The following DOCK4 variants were observed in gnomAD, a reference collection of about 807,000 sequenced individuals.
DOCK4 encodes dedicator of cytokinesis protein 4.
DOCK4 carries 97 observed loss-of-function variants against 268.1 expected under a neutral mutation model. The observed-to-expected ratio is 0.36, with a 90% CI of 0.31 to 0.43. The LOEUF is 0.43. Ranked by LOEUF, DOCK4 falls within the 20% of genes least tolerant of loss-of-function variation. The pLI is 1.00. For missense variants in DOCK4, 2,145 were observed against 2,455.7 expected (o/e 0.87, Z 2.67); for synonymous variants, 954 against 887.2 (o/e 1.08, Z -1.34).
chr7:111,811,930 G>T lies in DOCK4; in HGVS notation c.2950C>A (p.Leu984Ile). Residue 984 changes from leucine (L) to isoleucine (I), a missense_variant, in exon 28 of 53, where the codon CTA (leucine) becomes ATA (isoleucine). Physicochemically the swap from Leu to Ile is conservative, Grantham distance 5. Coordinates refer to ENST00000428084, the MANE Select transcript of DOCK4 (RefSeq NM_001363540.2). Reference protein sequence around the residue: ...VANNVIITTVLYLSDALRKNF... With the variant: ...VANNVIITTVIYLSDALRKNF... ...TTACGAAGTGCATCTGAGAGGTATA[G>T]AACTGTTGTAATAATAACACTAGTG... The T allele has an allele frequency of 6.6e-7, 1 of 1,521,586 alleles. No individual in the cohort carries two copies. Among genetic ancestry groups the T allele is most frequent in the South Asian group, 1.2e-5 (1 of 82,298 alleles). 94.3% of individuals were successfully genotyped at this position (1,521,586 alleles called of 1,614,324 possible).
Position 111,869,549 on chromosome 7 carries a change from G to C in DOCK4, c.2109+25C>G, listed in dbSNP as rs771483416. On this transcript the variant is annotated intron_variant, in intron 21 of 52. Transcript: ENST00000428084. Reference sequence around the variant, plus strand: ...GCATGCAACAGCTTTGTTAGACTCTGCTGTTATCAACAGCATGTTATCACC... The same window carrying C: ...GCATGCAACAGCTTTGTTAGACTCTCCTGTTATCAACAGCATGTTATCACC... 3.1e-6 allele frequency: 5 copies of C among 1,608,722 alleles called. No homozygotes were observed. The South Asian group carries it at 5.5e-5, about 18-fold the overall frequency.
In DOCK4 at chr7:111,857,479, A is replaced by G. The variant is rs1042753185; in HGVS notation, c.2473+5893T>C. On this transcript the variant is annotated intron_variant, in intron 23 of 52. Transcript: ENST00000428084. The stretch of plus-strand genomic sequence containing the variant: ...CCAGCAAGCTTCTCACCAGTGGTAC[A>G]TGATCAGTGCCTTTAGGTCTTTATA... Among the ~76,000 whole-genome samples the G allele has an allele frequency of 3.3e-5, 5 of 152,218 alleles. No individual in the cohort carries two copies. In the South Asian group the frequency reaches 8.3e-4, roughly 25 times the overall value.
In DOCK4 at chr7:111,802,408, A is replaced by G. The variant is rs191581799; in HGVS notation, c.3166+6413T>C. 1.7e-3 allele frequency among the ~76,000 whole-genome samples: 261 copies of G among 152,306 alleles called. 4 individuals carry two copies. The highest frequency in any genetic ancestry group is 5.8e-3 in the African/African-American group (243 of 41,564). Reference sequence around the variant, plus strand: ...GCTGTGCCCCAGCAGAGCCCCAGCTATGCTCTCTCTGCTGCCTTGACACTG... The same window carrying G: ...GCTGTGCCCCAGCAGAGCCCCAGCTGTGCTCTCTCTGCTGCCTTGACACTG... On this transcript the variant is annotated intron_variant, in intron 30 of 52. Coordinates refer to ENST00000428084, the MANE Select transcript of DOCK4 (RefSeq NM_001363540.2).
intron 34 of DOCK4, among the ~76,000 whole-genome samples, chr7:111,783,620 C>T (rs1278926240): frequency 6.7e-6 from 1 of 150,166 alleles, no homozygotes; most frequent in Non-Finnish European, 1.5e-5. Flanking sequence ...TCTCAATTCA[C>T]CAAGACTTTG....
At chr7:111,924,556 T>G (rs1173301946) in intron 12 of DOCK4, among the ~76,000 whole-genome samples, 2 of 152,210 alleles carry the variant, frequency 1.3e-5, no homozygotes, top group Non-Finnish European at 2.9e-5. Flanking sequence ...CTCTTGATTC[T>G]TACCAGGAGT....
intron 10 of DOCK4, among the ~76,000 whole-genome samples, chr7:111,942,708 G>A (rs1206013842): frequency 3.3e-5 from 5 of 151,956 alleles, no homozygotes; most frequent in East Asian, 1.9e-4. Flanking sequence ...TACTCACCCC[G>A]CCACTCTGGC....
At chr7:111,903,589 T>C (rs1187786793) in intron 13 of DOCK4, among the ~76,000 whole-genome samples, 3 of 152,246 alleles carry the variant, frequency 2.0e-5, no homozygotes, top group African/African-American at 7.2e-5. Context: ...GATTACTACA[T>C]ATATTTTTTA....
At chr7:111,744,468 A>G (rs1190447507) in intron 44 of DOCK4, among the ~76,000 whole-genome samples, 1 of 152,190 alleles carries the variant, frequency 6.6e-6, no homozygotes, top group Non-Finnish European at 1.5e-5. Context: ...CAGAGATCTC[A>G]CATTTTCTAG....
Position 111,938,905 on chromosome 7 carries a change from C to T in DOCK4, c.977+1205G>A, listed in dbSNP as rs62472928. Among the ~76,000 whole-genome samples, 125 of 143,614 alleles carry T rather than the reference C, an allele frequency of 8.7e-4. 1 individual carries two copies. The Middle Eastern group carries it at 0.011, about 13-fold the overall frequency. The allele number at this position is 143,614 out of a possible 152,430, so 94.2% of individuals were successfully genotyped here. ...CAGAAAATCTCTTGAACCTGGGAGG[C>T]GGAGGTTGCAGTGAGCCGAGATTGC... On this transcript the variant is annotated intron_variant, in intron 11 of 52. Transcript: ENST00000428084.
intron 13 of DOCK4, among the ~76,000 whole-genome samples, chr7:111,904,624 A>G (rs991997678): frequency 1.8e-4 from 27 of 152,274 alleles, no homozygotes; most frequent in African/African-American, 6.5e-4. Context: ...CTTCTTTACA[A>G]AAGAGATTCT....
At chr7:111,917,048 C>T (rs1040723144) in intron 12 of DOCK4, among the ~76,000 whole-genome samples, 1 of 132,738 alleles carries the variant, frequency 7.5e-6, no homozygotes, top group East Asian at 2.4e-4. Context: ...AGTACAGTGG[C>T]GCGATCTTGG....
At chr7:111,847,756 T>C (rs534304610) in intron 23 of DOCK4, among the ~76,000 whole-genome samples, 6 of 152,322 alleles carry the variant, frequency 3.9e-5, no homozygotes, top group Non-Finnish European at 5.9e-5. Context: ...GGCCTTCTCA[T>C]CCACATGGAA....
chr7:111,920,862 T>A (rs1793061042), intron 12 of DOCK4, among the ~76,000 whole-genome samples: 1 of 151,738 alleles, frequency 6.6e-6, no homozygotes, highest in South Asian at 2.1e-4. Context: ...TAAGAAAAAA[T>A]TACCACGGAA....
rs117286859 is a variant in DOCK4 at position 112,086,100 on chromosome 7, C to A, written c.38-81969G>T. Among the ~76,000 whole-genome samples, 1,047 of 152,124 alleles carry A rather than the reference C, an allele frequency of 6.9e-3. 4 individuals are homozygous for A. The highest frequency in any genetic ancestry group is 0.011 in the Admixed American group (166 of 15,272). Reference sequence around the variant, plus strand: ...AATATAACACCATATTTAGGATTTGCTTAAATGTACTACAGGAAAAAGAAA... The same window carrying A: ...AATATAACACCATATTTAGGATTTGATTAAATGTACTACAGGAAAAAGAAA... On this transcript the variant is annotated intron_variant, in intron 1 of 52. Coordinates refer to ENST00000428084, the MANE Select transcript of DOCK4 (RefSeq NM_001363540.2).
chr7:111,916,980 GTTTTTTT>G (rs749349556), intron 12 of DOCK4, among the ~76,000 whole-genome samples: 3 of 83,996 alleles, frequency 3.6e-5, no homozygotes, highest in Non-Finnish European at 4.5e-5. Flanking sequence ...TTTCCCCCAT[GTTTTTTT>G]TTTTTTTTTT....
intron 26 of DOCK4, among the ~76,000 whole-genome samples, chr7:111,827,167 A>G (rs1030878407): frequency 2.4e-4 from 36 of 152,346 alleles, no homozygotes; most frequent in African/African-American, 8.7e-4. Context: ...TTTGAATTCA[A>G]TTAAAGGGTG....
At chr7:111,951,563 T>C (rs556507991) in intron 8 of DOCK4, among the ~76,000 whole-genome samples, 1 of 151,742 alleles carries the variant, frequency 6.6e-6, no homozygotes, top group African/African-American at 2.4e-5. Flanking sequence ...ATCTCAGCAC[T>C]TTGGGAGGCT....
At chr7:111,829,584 A>T (rs1054549625) in intron 26 of DOCK4, among the ~76,000 whole-genome samples, 1 of 152,184 alleles carries the variant, frequency 6.6e-6, no homozygotes, top group Non-Finnish European at 1.5e-5. Flanking sequence ...GGCTTTTATT[A>T]GTCTTGATAT....
chr7:111,965,034 C>A (rs1307162940), intron 8 of DOCK4, among the ~76,000 whole-genome samples: 1 of 59,366 alleles, frequency 1.7e-5, no homozygotes, highest in African/African-American at 1.5e-4. Flanking sequence ...CAGGCCTGCC[C>A]TAAAAGAGCT....
Sources: gnomAD v4.1 joint callset for allele counts (sites outside exome capture counted in the v4.1 genomes callset) on GRCh38, gnomAD v4.1.1 for gene constraint, MANE v1.5 for transcripts, NCBI Gene and HGNC (gene_info 2026-07-23, HGNC 2026-07-21) for gene names.